Variants in KCNQ3 observed in about 807,000 individuals in gnomAD.
KCNQ3 encodes the protein potassium voltage-gated channel subfamily KQT member 3.
A neutral mutation model predicts 92.5 loss-of-function variants in KCNQ3; 30 were observed. That is an observed-to-expected ratio of 0.32 (90% confidence interval 0.24 to 0.44). KCNQ3 has a LOEUF of 0.44. KCNQ3 is among the 20% of genes least tolerant of loss of function. The probability of loss-of-function intolerance (pLI) is 1.00; values close to 1 mark genes in which losing one functional copy is unlikely to be tolerated. For synonymous variants in KCNQ3, 450 were observed against 468.8 expected (o/e 0.96, Z 0.52); for missense variants, 913 against 1,140.3 (o/e 0.80, Z 2.87).
At chr8:132,423,454 G>T (rs1317724595) in intron 1 of KCNQ3, among the ~76,000 whole-genome samples, 1 of 152,260 alleles carries the variant, frequency 6.6e-6, no homozygotes, top group East Asian at 1.9e-4. Flanking sequence ...AAGGGGCAAT[G>T]GTTAAGAGCA....
intron 1 of KCNQ3, among the ~76,000 whole-genome samples, chr8:132,470,008 T>C (rs774556801): frequency 2.6e-5 from 4 of 152,122 alleles, no homozygotes; most frequent in Admixed American, 1.3e-4. Context: ...TTCCTTTCCC[T>C]GCTCTCCTGA....
chr8:132,354,714 G>C (rs1302844952), intron 1 of KCNQ3, among the ~76,000 whole-genome samples: 1 of 152,232 alleles, frequency 6.6e-6, no homozygotes, highest in Admixed American at 6.5e-5. Context: ...TGAGATGACA[G>C]CTTGGTCTTG....
chr8:132,178,228 C>T (rs1452043056), intron 4 of KCNQ3, among the ~76,000 whole-genome samples: 1 of 152,242 alleles, frequency 6.6e-6, no homozygotes, highest in South Asian at 2.1e-4. Flanking sequence ...GTTTTATTAA[C>T]GTGTCCTTTG....
chr8:132,145,207 T>C (rs1825417077), intron 9 of KCNQ3, among the ~76,000 whole-genome samples: 1 of 152,206 alleles, frequency 6.6e-6, no homozygotes, highest in Non-Finnish European at 1.5e-5. Context: ...AATGGTAAGC[T>C]TTTGGGCCTG....
chr8:132,421,079 C>T (rs547083245), intron 1 of KCNQ3, among the ~76,000 whole-genome samples: 71 of 152,266 alleles, frequency 4.7e-4, no homozygotes, highest in African/African-American at 1.4e-3. Context: ...AATGTTTAAA[C>T]GGCTCATACA....
At chr8:132,354,236 C>T (rs1353262313) in intron 1 of KCNQ3, among the ~76,000 whole-genome samples, 1 of 152,176 alleles carries the variant, frequency 6.6e-6, no homozygotes, top group Non-Finnish European at 1.5e-5. Flanking sequence ...ATGGAATTCA[C>T]CATTAGTCAA....
intron 1 of KCNQ3, among the ~76,000 whole-genome samples, chr8:132,373,964 C>T (rs1224435247): frequency 1.3e-5 from 2 of 152,158 alleles, no homozygotes; most frequent in Non-Finnish European, 2.9e-5. Flanking sequence ...GTACCAGCGT[C>T]TGAGTCTACC....
intron 1 of KCNQ3, among the ~76,000 whole-genome samples, chr8:132,237,109 T>C (rs1013861627): frequency 3.9e-5 from 6 of 152,178 alleles, no homozygotes; most frequent in African/African-American, 1.2e-4. Flanking sequence ...TTTTGACCTA[T>C]AGAGCATGAG....
At chr8:132,238,565 A>G (rs1280516483) in intron 1 of KCNQ3, among the ~76,000 whole-genome samples, 2 of 152,114 alleles carry the variant, frequency 1.3e-5, no homozygotes, top group Non-Finnish European at 2.9e-5. Context: ...TCTTATGCAA[A>G]CACTATCTCT....
rs773565575 is a variant in KCNQ3, at chr8:132,180,137, A to G, written c.777+20T>C. 8.7e-6 allele frequency: 14 copies of G among 1,613,646 alleles called. No homozygotes were observed. Among genetic ancestry groups the G allele is most frequent in the Non-Finnish European group, 1.2e-5 (14 of 1,179,878 alleles). On this transcript the variant is annotated intron_variant, in intron 4 of 14. Transcript: ENST00000388996. ...GGGTGGGAAGCCCATGTGGTCCTGCAGTTTCTCCACCACACTTACTTTGCT... is the reference window on the plus strand; with the variant it reads ...GGGTGGGAAGCCCATGTGGTCCTGCGGTTTCTCCACCACACTTACTTTGCT...
At chr8:132,254,866 G>C (rs955805616) in intron 1 of KCNQ3, among the ~76,000 whole-genome samples, 1 of 152,166 alleles carries the variant, frequency 6.6e-6, no homozygotes, top group Non-Finnish European at 1.5e-5. Context: ...GTGACAATGA[G>C]ACTGTCTCAA....
chr8:132,228,763 A>G (rs562971402), intron 1 of KCNQ3, among the ~76,000 whole-genome samples: 119 of 148,268 alleles, frequency 8.0e-4, no homozygotes, highest in Middle Eastern at 7.2e-3. Flanking sequence ...ACTCTTGAAA[A>G]AAAAAAAAAA....
rs1052242109 is a variant in KCNQ3, at chr8:132,123,678, G to C, written c.*5584C>G. On this transcript the variant is annotated 3_prime_UTR_variant, in exon 15 of 15. Transcript: ENST00000388996. ...ACTCAATCACTGCTTCAATCACTGA[G>C]GGACGTGGTGTGATGTTCTTTGCTC... The C allele has an allele frequency of 6.6e-6, 1 of 152,178 alleles. No individual in the cohort carries two copies. Among genetic ancestry groups the C allele is most frequent in the Non-Finnish European group, 1.5e-5 (1 of 68,028 alleles). 9.4% of individuals were successfully genotyped at this position (152,178 alleles called of 1,614,324 possible).
intron 1 of KCNQ3, among the ~76,000 whole-genome samples, chr8:132,437,779 C>A (rs1361821744): frequency 6.6e-6 from 1 of 152,172 alleles, no homozygotes; most frequent in Non-Finnish European, 1.5e-5. Flanking sequence ...GTCCCAGGCC[C>A]CAAATACCCA....
intron 1 of KCNQ3, among the ~76,000 whole-genome samples, chr8:132,249,800 C>T (rs894907553): frequency 3.9e-5 from 6 of 152,300 alleles, no homozygotes; most frequent in African/African-American, 9.6e-5. Context: ...AGCCCTGCCC[C>T]GCAAAGAGGC....
chr8:132,171,075 T>C (rs1335718028), intron 7 of KCNQ3, among the ~76,000 whole-genome samples: 1 of 152,094 alleles, frequency 6.6e-6, no homozygotes, highest in Admixed American at 6.5e-5. Context: ...TGCCACTCTT[T>C]CCAGAAGATT....
chr8:132,170,888 A>C (rs1186375799), intron 7 of KCNQ3, among the ~76,000 whole-genome samples: 1 of 151,020 alleles, frequency 6.6e-6, no homozygotes, highest in African/African-American at 2.4e-5. Context: ...GCTTGGTGGC[A>C]CGTGCCTGTA....
chr8:132,168,513 G>A (rs1160985185), intron 8 of KCNQ3, among the ~76,000 whole-genome samples: 1 of 152,140 alleles, frequency 6.6e-6, no homozygotes, highest in African/African-American at 2.4e-5. Context: ...CTTTTGAGGA[G>A]TGAAAGCAAG....
intron 1 of KCNQ3, among the ~76,000 whole-genome samples, chr8:132,191,522 C>CTA (rs1057493694): frequency 3.2e-4 from 47 of 148,636 alleles, no homozygotes; most frequent in South Asian, 6.3e-4. Flanking sequence ...ATCTCTCTCT[C>CTA]TATATATATA....
Sources: allele counts gnomAD v4.1 joint callset (sites outside exome capture counted in the v4.1 genomes callset), GRCh38; gene constraint gnomAD v4.1.1; transcripts MANE v1.5; gene names NCBI Gene and HGNC (gene_info 2026-07-23, HGNC 2026-07-21).